NDRG3: variants seen among roughly 807,000 people sequenced by gnomAD.
The protein encoded by NDRG3 is protein NDRG3.
Under a neutral mutation model 57.2 loss-of-function variants are expected in NDRG3, and 23 were observed. That is an observed-to-expected ratio of 0.40 (90% CI 0.29 to 0.57). The LOEUF (loss-of-function observed/expected upper bound fraction) is 0.57, where lower values mean the gene tolerates loss of function less well. NDRG3 is among the 20% of genes least tolerant of loss of function. The pLI is 0.42. For synonymous variants in NDRG3, 132 were observed against 162.6 expected, an observed-to-expected ratio of 0.81 and a Z score of 1.43; for missense variants, 384 against 457.3, an observed-to-expected ratio of 0.84 and a Z score of 1.46.
At chr20:36,674,041 T>C (rs1402548469) in intron 8 of NDRG3, among the ~76,000 whole-genome samples, 2 of 151,394 alleles carry the variant, frequency 1.3e-5, no homozygotes, top group Non-Finnish European at 2.9e-5. Context: ...GAGATAGAGG[T>C]TGCAGTGAGC....
intron 1 of NDRG3, among the ~76,000 whole-genome samples, chr20:36,734,783 C>T (rs185246928): frequency 2.6e-5 from 4 of 151,614 alleles, no homozygotes; most frequent in Non-Finnish European, 4.4e-5. Flanking sequence ...GCTGTGACAG[C>T]CAAACATGTC....
intron 2 of NDRG3, among the ~76,000 whole-genome samples, chr20:36,721,254 G>A (rs1195911438): frequency 1.3e-5 from 2 of 151,798 alleles, no homozygotes; most frequent in Non-Finnish European, 1.5e-5. Flanking sequence ...TTTTTGGCCT[G>A]GCACAGTGGC....
rs374632479 is a variant in NDRG3 at position 36,743,108 on chromosome 20, T to C, written c.-49+2937A>G. Reference sequence around the variant, plus strand: ...AGCCTCAGACTATCCTACTGCAACATGCAAATGAAAAGTACCCTGTACATC... The same window carrying C: ...AGCCTCAGACTATCCTACTGCAACACGCAAATGAAAAGTACCCTGTACATC... On this transcript the variant is annotated intron_variant, in intron 1 of 15. Coordinates refer to ENST00000349004, the MANE Select transcript of NDRG3 (RefSeq NM_032013.4). 1.2e-4 allele frequency among the ~76,000 whole-genome samples: 18 copies of C among 152,318 alleles called. No homozygotes were observed. The East Asian group carries it at 3.3e-3, about 28-fold the overall frequency.
At chr20:36,717,431 C>G (rs1984339334) in intron 2 of NDRG3, among the ~76,000 whole-genome samples, 1 of 152,178 alleles carries the variant, frequency 6.6e-6, no homozygotes, top group African/African-American at 2.4e-5. Flanking sequence ...TGAAATACTA[C>G]ACATTTTTAG....
chr20:36,700,974 A>G (rs951007957), intron 3 of NDRG3, among the ~76,000 whole-genome samples: 8 of 151,890 alleles, frequency 5.3e-5, no homozygotes, highest in Non-Finnish European at 1.0e-4. Flanking sequence ...GGGTCTCCCT[A>G]TATTGCCCAA....
chr20:36,731,841 AAGTT>A (rs1291974998), intron 1 of NDRG3, among the ~76,000 whole-genome samples: 13 of 151,524 alleles, frequency 8.6e-5, no homozygotes, highest in African/African-American at 3.1e-4. Context: ...AGAAATATAG[AAGTT>A]AGTTGGCATA....
intron 2 of NDRG3, among the ~76,000 whole-genome samples, chr20:36,716,042 C>T (rs1984254079): frequency 6.6e-6 from 1 of 152,032 alleles, no homozygotes; most frequent in Non-Finnish European, 1.5e-5. Context: ...CTGCAATAAG[C>T]CATGATTGTG....
chr20:36,681,509 G>A (rs941258083), intron 7 of NDRG3, among the ~76,000 whole-genome samples: 6 of 150,952 alleles, frequency 4.0e-5, no homozygotes, highest in African/African-American at 7.3e-5. Flanking sequence ...GGTAGTGGGC[G>A]CCTGTAATCC....
intron 2 of NDRG3, among the ~76,000 whole-genome samples, chr20:36,715,006 G>GTATATATATA (rs545495779): frequency 2.2e-4 from 6 of 26,708 alleles, no homozygotes; most frequent in Non-Finnish European, 2.7e-4. Context: ...GTGTGTGTGT[G>GTATATATATA]TATATATATA....
At chr20:36,708,016 G>A (rs532789367) in intron 2 of NDRG3, among the ~76,000 whole-genome samples, 37 of 151,822 alleles carry the variant, frequency 2.4e-4, no homozygotes, top group African/African-American at 8.0e-4. Context: ...ACTGGAAGGC[G>A]GAGGTTGCAG....
intron 1 of NDRG3, among the ~76,000 whole-genome samples, chr20:36,732,412 C>T (rs776676607): frequency 4.6e-5 from 7 of 152,138 alleles, no homozygotes; most frequent in Non-Finnish European, 1.0e-4. Context: ...CACCCAGAGA[C>T]GCATGGATTC....
intron 1 of NDRG3, among the ~76,000 whole-genome samples, chr20:36,723,789 C>A (rs1482286965): frequency 1.3e-5 from 2 of 151,782 alleles, no homozygotes; most frequent in African/African-American, 4.8e-5. Context: ...TCACTGGAAC[C>A]TCCGCCTCCT....
At chr20:36,688,932 G>A (rs958153550) in intron 3 of NDRG3, 148 bp from the exon 4 acceptor site, 4 of 646,512 alleles carry the variant, frequency 6.2e-6, no homozygotes, top group Admixed American at 4.8e-5. Flanking sequence ...GGTGGTTCAC[G>A]CCTGTAATCC....
At chr20:36,674,689 C>T (rs1980500739) in intron 8 of NDRG3, among the ~76,000 whole-genome samples, 1 of 150,322 alleles carries the variant, frequency 6.7e-6, no homozygotes, top group African/African-American at 2.5e-5. Context: ...CCTTGAACAC[C>T]TGGGCTCAAG....
At chr20:36,738,258 T>C (rs1985709123) in intron 1 of NDRG3, among the ~76,000 whole-genome samples, 1 of 150,700 alleles carries the variant, frequency 6.6e-6, no homozygotes, top group African/African-American at 2.4e-5. Context: ...AGCAACACTT[T>C]CTCCTAGCAC....
chr20:36,698,066 A>G (rs1982954265), intron 3 of NDRG3, among the ~76,000 whole-genome samples: 1 of 150,796 alleles, frequency 6.6e-6, no homozygotes, highest in South Asian at 2.1e-4. Context: ...CCTGGGTTCA[A>G]GTGATTTTCC....
chr20:36,694,973 G>A (rs1681360263), intron 3 of NDRG3, among the ~76,000 whole-genome samples: 1 of 152,120 alleles, frequency 6.6e-6, no homozygotes, highest in South Asian at 2.1e-4. Context: ...GCCCAGTGTT[G>A]CAGGAAGTCA....
rs11466997 is a variant in NDRG3 at position 36,746,079 on chromosome 20, AGCGGCGGCG to A, written c.-92_-84del. The A allele has an allele frequency of 4.2e-3, 1,027 of 246,672 alleles. 11 individuals carry two copies. The highest frequency in any genetic ancestry group is 0.011 in the African/African-American group (493 of 42,950). The allele number at this position is 246,672 out of a possible 1,614,324, so 15.3% of individuals were successfully genotyped here. A position where few individuals can be genotyped will look rare whatever the true frequency, so the allele number is the denominator to read the frequency against. On this transcript the variant is annotated 5_prime_UTR_variant, in exon 1 of 16. Coordinates refer to ENST00000349004, the MANE Select transcript of NDRG3 (RefSeq NM_032013.4). The stretch of plus-strand genomic sequence containing the variant: ...GGGCACCCGCCGTCAGTGCAGCAGC[AGCGGCGGCG>A]GCGGCGGCGGCGGCGGCGGCGGCGG...
At chr20:36,682,903 T>C (rs1981436522) in intron 6 of NDRG3, among the ~76,000 whole-genome samples, 2 of 149,052 alleles carry the variant, frequency 1.3e-5, no homozygotes, top group South Asian at 2.1e-4. Context: ...CCGTCTCTAC[T>C]AAAATACAAA....
Sources: gnomAD v4.1 joint callset for allele counts (sites outside exome capture counted in the v4.1 genomes callset) on GRCh38, gnomAD v4.1.1 for gene constraint, MANE v1.5 for transcripts, NCBI Gene and HGNC (gene_info 2026-07-23, HGNC 2026-07-21) for gene names.